NEBL: variants seen among roughly 807,000 people sequenced by gnomAD.
NEBL encodes the protein LIM and SH3 protein 2.
NEBL carries 122 observed loss-of-function variants against 140.2 expected under a neutral mutation model. The observed-to-expected ratio is 0.87, with a 90% CI of 0.75 to 1.01. NEBL has a LOEUF of 1.01. Ranked by LOEUF, NEBL falls within the 50% of genes least tolerant of loss-of-function variation. NEBL has a pLI of 0.00. For synonymous variants in NEBL, 436 were observed against 398.9 expected (o/e 1.09, Z -1.11); for missense variants, 1,365 against 1,231.3 (o/e 1.11, Z -1.62).
At chr10:20,840,404 G>T (rs956947367) in intron 13 of NEBL, among the ~76,000 whole-genome samples, 2 of 152,064 alleles carry the variant, frequency 1.3e-5, no homozygotes, top group Admixed American at 6.6e-5. Flanking sequence ...CAAAGCATGT[G>T]AACTTTCTAC....
At chr10:21,273,852 C>T (rs1356388356) in intron 1 of NEBL, among the ~76,000 whole-genome samples, 1 of 152,126 alleles carries the variant, frequency 6.6e-6, no homozygotes, top group Non-Finnish European at 1.5e-5. Flanking sequence ...TACCAACACC[C>T]CTTCTCCTTC....
intron 3 of NEBL, among the ~76,000 whole-genome samples, chr10:20,991,308 A>C (rs1837445514): frequency 6.6e-6 from 1 of 152,152 alleles, no homozygotes; most frequent in African/African-American, 2.4e-5. Flanking sequence ...ATGTTGAAAA[A>C]TTATCTATAA....
chr10:21,157,275 T>C (rs1218286607), intron 2 of NEBL, among the ~76,000 whole-genome samples: 1 of 152,106 alleles, frequency 6.6e-6, no homozygotes, highest in Non-Finnish European at 1.5e-5. Context: ...ATACAAAAAA[T>C]TAACAGCATT....
chr10:20,932,538 T>C (rs892097761), intron 4 of NEBL, among the ~76,000 whole-genome samples: 13 of 152,212 alleles, frequency 8.5e-5, no homozygotes, highest in African/African-American at 3.1e-4. Context: ...CATGTATACC[T>C]ATGTAACAAA....
intron 4 of NEBL, among the ~76,000 whole-genome samples, chr10:20,931,892 T>G (rs539932217): frequency 1.3e-5 from 2 of 152,208 alleles, no homozygotes; most frequent in Non-Finnish European, 2.9e-5. Flanking sequence ...AAAGAAATAA[T>G]AAAGAAATCA....
intron 26 of NEBL, among the ~76,000 whole-genome samples, chr10:20,791,675 G>A (rs767840213): frequency 1.2e-4 from 18 of 152,034 alleles, no homozygotes; most frequent in Non-Finnish European, 2.2e-4. Context: ...GATTATGGGC[G>A]TGAGCACTGC....
rs1413468122 is a variant in NEBL, at chr10:21,140,126, A to G, written c.164+32257T>C. On this transcript the variant is annotated intron_variant, in intron 2 of 6. Coordinates refer to the NEBL transcript ENST00000417816. ...CAGTGAGCCAAGATTGCTCCACTACACTTCAGCGTGGTCGACAGAGCGAGA... is the reference window on the plus strand; with the variant it reads ...CAGTGAGCCAAGATTGCTCCACTACGCTTCAGCGTGGTCGACAGAGCGAGA... Among the ~76,000 whole-genome samples, 5 of 152,100 alleles carry G rather than the reference A, an allele frequency of 3.3e-5. No homozygotes were observed. The East Asian group carries it at 9.6e-4, about 29-fold the overall frequency.
At chr10:20,881,909 G>A (rs747996511) in intron 4 of NEBL, among the ~76,000 whole-genome samples, 6 of 152,176 alleles carry the variant, frequency 3.9e-5, no homozygotes, top group Non-Finnish European at 7.3e-5. Context: ...TGAGAAAAAT[G>A]GCAACTTAAG....
intron 2 of NEBL, among the ~76,000 whole-genome samples, chr10:21,120,393 CATATATATATAT>C (rs1201775144): frequency 1.7e-4 from 10 of 59,514 alleles, no homozygotes; most frequent in African/African-American, 1.2e-3. Flanking sequence ...AAAAAAAATA[CATATATATATAT>C]ATATATATAT....
At chr10:21,292,722 A>G (rs1003921237) in intron 1 of NEBL, among the ~76,000 whole-genome samples, 2 of 152,234 alleles carry the variant, frequency 1.3e-5, no homozygotes, top group African/African-American at 4.8e-5. Flanking sequence ...CGATGAAGGT[A>G]TCTATCTTGT....
intron 2 of NEBL, among the ~76,000 whole-genome samples, chr10:21,107,238 A>G (rs1837761025): frequency 6.6e-6 from 1 of 152,210 alleles, no homozygotes; most frequent in South Asian, 2.1e-4. Context: ...GAGTGGTGAG[A>G]GAGGGCATTC....
At chr10:21,217,506 T>C (rs1842010524) in intron 3 of NEBL, among the ~76,000 whole-genome samples, 1 of 152,162 alleles carries the variant, frequency 6.6e-6, no homozygotes, top group South Asian at 2.1e-4. Context: ...TGGCTTCCAA[T>C]AATTTGAAAA....
intron 2 of NEBL, among the ~76,000 whole-genome samples, chr10:21,090,511 C>T (rs1442268312): frequency 6.6e-6 from 1 of 152,168 alleles, no homozygotes; most frequent in Admixed American, 6.5e-5. Context: ...ATGTCAGGGA[C>T]TTGATGTTCT....
At chr10:21,284,036 TAAAAAAAAAAAAA>T (rs5783774) in intron 1 of NEBL, among the ~76,000 whole-genome samples, 1 of 67,596 alleles carries the variant, frequency 1.5e-5, no homozygotes, top group African/African-American at 6.5e-5. Flanking sequence ...TAATCTGCAC[TAAAAAAAAAAAAA>T]AAAAAAAAAA....
At chr10:21,158,270 G>T (rs1362236453) in intron 2 of NEBL, among the ~76,000 whole-genome samples, 1 of 151,992 alleles carries the variant, frequency 6.6e-6, no homozygotes, top group African/African-American at 2.4e-5. Context: ...CTAAAACTTG[G>T]GATGTTTTCT....
chr10:21,033,553 T>C (rs1398132267), intron 2 of NEBL, among the ~76,000 whole-genome samples: 1 of 151,936 alleles, frequency 6.6e-6, no homozygotes, highest in Admixed American at 6.6e-5. Flanking sequence ...AGAAATCTCT[T>C]ATTGAAAATT....
Position 21,106,924 on chromosome 10 carries a change from C to T in NEBL, c.164+65459G>A, listed in dbSNP as rs1045073223. Reference sequence around the variant, plus strand: ...CACATCCCTTGTAAGTTAAATTCCTCGGTGTTTTATTCTCTTTGTAGTAAT... The same window carrying T: ...CACATCCCTTGTAAGTTAAATTCCTTGGTGTTTTATTCTCTTTGTAGTAAT... On this transcript the variant is annotated intron_variant, in intron 2 of 6. Transcript: ENST00000417816. 4.6e-5 allele frequency among the ~76,000 whole-genome samples: 7 copies of T among 152,016 alleles called. No individual in the cohort carries two copies. In the East Asian group the frequency reaches 9.6e-4, roughly 21 times the overall value.
intron 3 of NEBL, among the ~76,000 whole-genome samples, chr10:20,991,888 T>C (rs1341013328): frequency 6.6e-6 from 1 of 151,914 alleles, no homozygotes; most frequent in East Asian, 1.9e-4. Context: ...TGTTCCCACA[T>C]TAATTTGCTT....
Position 20,889,936 on chromosome 10 carries a change from T to C in NEBL, c.167A>G (p.Glu56Gly). Residue 56 changes from glutamate (E) to glycine (G), a missense_variant, in exon 3 of 28, where the codon GAA (glutamate) becomes GGA (glycine). Physicochemically the swap from Glu to Gly is moderately conservative, Grantham distance 98. This residue lies in a region of NEBL where 1,323 missense variants were observed against 1,154.8 expected (regional missense o/e 1.15). Transcript: ENST00000377122. ...TELISDIRYK[E>G]EFKKSKDKCT... Reference sequence around the variant, plus strand: ...CTTATCCTTGGACTTTTTAAACTCTTCTTTATAACGGATCTAAAAAAGAGA... The same window carrying C: ...CTTATCCTTGGACTTTTTAAACTCTCCTTTATAACGGATCTAAAAAAGAGA... 1 of 1,595,706 alleles carries C rather than the reference T, an allele frequency of 6.3e-7. No homozygotes were observed. The highest frequency in any genetic ancestry group is 8.6e-7 in the Non-Finnish European group (1 of 1,165,276).
Sources: gnomAD v4.1 joint callset for allele counts (sites outside exome capture counted in the v4.1 genomes callset) on GRCh38, gnomAD v4.1.1 for gene constraint, gnomAD v4.1.1 regional missense constraint, MANE v1.5 for transcripts, NCBI Gene and HGNC (gene_info 2026-07-23, HGNC 2026-07-21) for gene names.